Variants in ADGB observed in about 807,000 individuals in gnomAD.
ADGB encodes the protein calpain-7-like protein.
Under a neutral mutation model 210.5 loss-of-function variants are expected in ADGB, and 172 were observed. The observed-to-expected ratio is 0.82, with a 90% CI of 0.72 to 0.93. The LOEUF (loss-of-function observed/expected upper bound fraction) is 0.93, where lower values mean the gene tolerates loss of function less well. Among genes scored for constraint, ADGB ranks in the 40% least tolerant of loss-of-function variants. The probability of loss-of-function intolerance (pLI) is 0.00; values close to 1 mark genes in which losing one functional copy is unlikely to be tolerated. For synonymous variants in ADGB, 658 were observed against 662.7 expected, an observed-to-expected ratio of 0.99 and a Z score of 0.11; for missense variants, 2,025 against 1,964.8, an observed-to-expected ratio of 1.03 and a Z score of -0.58.
chr6:146,748,596 C>T (rs1176858670), intron 26 of ADGB, among the ~76,000 whole-genome samples: 1 of 152,098 alleles, frequency 6.6e-6, no homozygotes, highest in African/African-American at 2.4e-5. Flanking sequence ...CCAAATTTCC[C>T]TTTTTCTTTA....
chr6:146,600,364 G>A (rs985850801), intron 1 of ADGB: 10 of 268,582 alleles, frequency 3.7e-5, no homozygotes, highest in Middle Eastern at 4.2e-4. Flanking sequence ...TCAGAATCAG[G>A]CCTGTATTAC....
chr6:146,784,569 T>G (rs1777846313), intron 30 of ADGB, 49 bp from the exon 31 acceptor site: 1 of 1,404,108 alleles, frequency 7.1e-7, no homozygotes, highest in Non-Finnish European at 9.4e-7. Context: ...ATCTAGACCC[T>G]TTTGAAAGAA....
chr6:146,699,948 C>T (rs916641091), intron 12 of ADGB, among the ~76,000 whole-genome samples: 12 of 152,118 alleles, frequency 7.9e-5, no homozygotes, highest in African/African-American at 2.7e-4. Flanking sequence ...AATTCTAATA[C>T]CCAGATACAG....
At chr6:146,628,685 C>T (rs757615411) in intron 1 of ADGB, among the ~76,000 whole-genome samples, 1 of 151,826 alleles carries the variant, frequency 6.6e-6, no homozygotes, top group Non-Finnish European at 1.5e-5. Context: ...CCTAGTGATG[C>T]CCTTTCTTCC....
chr6:146,701,279 G>A (rs1044919892), intron 13 of ADGB, among the ~76,000 whole-genome samples: 1 of 151,994 alleles, frequency 6.6e-6, no homozygotes, highest in Admixed American at 6.6e-5. Context: ...TTTCTTCTTG[G>A]TTGTATTTTC....
Position 146,717,546 on chromosome 6 carries a change from A to G in ADGB, c.1939A>G (p.Ile647Val). The part of the protein sequence containing the change: ...DFCVCFQNIY[I>V]FHKPSSYCLN... Reference sequence around the variant, plus strand: ...ATGTCTTTCTTTCAGAAATATATATATTTTCCACAAGCCAAGTTCATATTG... The same window carrying G: ...ATGTCTTTCTTTCAGAAATATATATGTTTTCCACAAGCCAAGTTCATATTG... The change falls in exon 16 of 36, where the codon ATT (isoleucine) becomes GTT (valine). Residue 647 changes from isoleucine to valine, a missense_variant. Coordinates refer to ENST00000397944, the MANE Select transcript of ADGB (RefSeq NM_024694.4). 7.1e-7 allele frequency: 1 copy of G among 1,400,594 alleles called. No individual in the cohort carries two copies. The highest frequency in any genetic ancestry group is 1.3e-5 in the South Asian group (1 of 75,224). The allele number at this position is 1,400,594 out of a possible 1,614,324, so 86.8% of individuals were successfully genotyped here.
rs141095752 is a variant in ADGB, at chr6:146,795,675, G to A, written c.4538-5508G>A. On this transcript the variant is annotated intron_variant, in intron 33 of 35. Coordinates refer to ENST00000397944, the MANE Select transcript of ADGB (RefSeq NM_024694.4). Reference sequence around the variant, plus strand: ...TGCTGGTCAGGTTGTGGAGAAAAAGGAACACTTATACATTGTTGGTGGGAG... The same window carrying A: ...TGCTGGTCAGGTTGTGGAGAAAAAGAAACACTTATACATTGTTGGTGGGAG... 3.6e-3 allele frequency among the ~76,000 whole-genome samples: 548 copies of A among 152,246 alleles called. 3 individuals are homozygous for A. The highest frequency in any genetic ancestry group is 8.3e-3 in the Admixed American group (127 of 15,292).
rs142453591 is a variant in ADGB at position 146,689,891 on chromosome 6, A to G, written c.1312-1225A>G. 1.7e-3 allele frequency among the ~76,000 whole-genome samples: 262 copies of G among 152,270 alleles called. 4 individuals are homozygous for G. In the East Asian group the frequency reaches 0.026, roughly 15 times the overall value. On this transcript the variant is annotated intron_variant, in intron 10 of 35. Transcript: ENST00000397944. ...AAAAAGTTTTTTAAGGCACTCTAAG[A>G]CATAATTCCAGAGTTTTCTGAAATT...
intron 3 of ADGB, 32 bp downstream of exon 3, chr6:146,644,897 T>A: frequency 2.3e-6 from 3 of 1,277,396 alleles, no homozygotes; most frequent in Non-Finnish European, 3.2e-6. Context: ...AATAAAATAC[T>A]TACTATGTGG....
intron 13 of ADGB, among the ~76,000 whole-genome samples, chr6:146,705,359 C>A (rs780231852): frequency 1.3e-5 from 2 of 152,060 alleles, no homozygotes; most frequent in Non-Finnish European, 2.9e-5. Context: ...TACTCCTGAT[C>A]TTAGAAGTAA....
intron 35 of ADGB, chr6:146,807,763 G>A (rs187818257): frequency 1.2e-4 from 64 of 512,050 alleles, no homozygotes; most frequent in Non-Finnish European, 1.8e-4. Context: ...GAAGCCATTC[G>A]AGTTTAAGAT....
chr6:146,773,424 CATACA>C (rs1777681816), intron 29 of ADGB, among the ~76,000 whole-genome samples: 1 of 152,020 alleles, frequency 6.6e-6, no homozygotes, highest in Admixed American at 6.6e-5. Flanking sequence ...TAAATGAGCA[CATACA>C]ATTTTAATCA....
intron 35 of ADGB, chr6:146,807,521 G>A: frequency 2.6e-6 from 4 of 1,551,546 alleles, no homozygotes; most frequent in Admixed American, 2.0e-5. Context: ...CCGCCATGAA[G>A]CTGGAGACAG....
intron 27 of ADGB, among the ~76,000 whole-genome samples, chr6:146,760,419 A>T (rs1226846196): frequency 6.7e-6 from 1 of 150,180 alleles, no homozygotes; most frequent in African/African-American, 2.5e-5. Context: ...TATCCATGTT[A>T]TTGCATATAA....
At chr6:146,734,065 T>C in intron 22 of ADGB, 35 bp downstream of exon 22, 1 of 1,539,448 alleles carries the variant, frequency 6.5e-7, no homozygotes, top group Non-Finnish European at 8.8e-7. Context: ...AATGAACTTG[T>C]TTGTATAAGA....
chr6:146,697,537 C>T (rs759748982), intron 12 of ADGB, among the ~76,000 whole-genome samples: 21 of 151,824 alleles, frequency 1.4e-4, no homozygotes, highest in Non-Finnish European at 2.8e-4. Flanking sequence ...TGCTTAAGAA[C>T]ACATTAGATA....
At chr6:146,617,978 T>A (rs1465107541) in intron 1 of ADGB, among the ~76,000 whole-genome samples, 1 of 152,058 alleles carries the variant, frequency 6.6e-6, no homozygotes, top group Non-Finnish European at 1.5e-5. Flanking sequence ...ACCAATAACA[T>A]AAAAGCTTGA....
At chr6:146,801,690 T>C in intron 34 of ADGB, 138 bp from the exon 35 acceptor site, 1 of 680,726 alleles carries the variant, frequency 1.5e-6, no homozygotes, top group South Asian at 3.0e-5. Context: ...CAACCATTTA[T>C]TTTTTCTATC....
intron 16 of ADGB, among the ~76,000 whole-genome samples, chr6:146,720,095 T>C (rs1025977941): frequency 4.6e-5 from 7 of 152,154 alleles, no homozygotes; most frequent in Non-Finnish European, 1.0e-4. Context: ...GTGAAAAACT[T>C]TTAAAGTATA....
Sources: allele counts gnomAD v4.1 joint callset (sites outside exome capture counted in the v4.1 genomes callset), GRCh38; gene constraint gnomAD v4.1.1; transcripts MANE v1.5; gene names NCBI Gene and HGNC (gene_info 2026-07-23, HGNC 2026-07-21).